The following USP9Y variants were observed in gnomAD, a reference collection of about 807,000 sequenced individuals.
USP9Y encodes ubiquitin specific peptidase 9 Y-linked.
In USP9Y, 41 loss-of-function variants were observed where a neutral mutation model predicts 53.1. The observed-to-expected ratio is 0.77, with a 90% confidence interval of 0.60 to 1.00. USP9Y has a LOEUF of 1.00. USP9Y is among the 50% of genes least tolerant of loss of function. The pLI, the probability that USP9Y is intolerant of heterozygous loss-of-function variation, is 0.00. For missense variants in USP9Y, 567 were observed against 535.8 expected (o/e 1.06, Z -0.58); for synonymous variants, 220 against 173.7 (o/e 1.27, Z -2.09).
chrY:12,730,728 C>A (rs2053446578), intron 7 of USP9Y, among the ~76,000 whole-genome samples: 1 of 32,663 alleles, frequency 3.1e-5, no homozygotes, highest in Non-Finnish European at 7.5e-5. Context: ...GGTAATCTAC[C>A]CACGTCGGCC....
intron 27 of USP9Y, among the ~76,000 whole-genome samples, chrY:12,797,072 G>A: frequency 5.9e-5 from 2 of 33,743 alleles, no homozygotes; most frequent in South Asian, 1.3e-3. Context: ...ACACCCTTAC[G>A]TTCTTGATAA....
At chrY:12,813,179 T>A in intron 31 of USP9Y, 127 bp downstream of exon 31, 1 of 173,095 alleles carries the variant, frequency 5.8e-6, no homozygotes, top group Non-Finnish European at 1.0e-5. Context: ...TAACATTTTT[T>A]AGCTGTCAGT....
intron 1 of USP9Y, among the ~76,000 whole-genome samples, chrY:12,703,120 C>T (rs1030398046): frequency 2.2e-4 from 7 of 32,297 alleles, no homozygotes; most frequent in Non-Finnish European, 5.3e-4. Context: ...AGTGCAGTGG[C>T]GCAATCTTGG....
intron 12 of USP9Y, among the ~76,000 whole-genome samples, chrY:12,742,387 A>G: frequency 6.0e-5 from 2 of 33,387 alleles, no homozygotes; most frequent in Middle Eastern, 0.027. Context: ...GGTCCCACCC[A>G]CATCCTGCTG....
intron 18 of USP9Y, among the ~76,000 whole-genome samples, chrY:12,776,182 G>C: frequency 9.7e-5 from 2 of 20,697 alleles, no homozygotes; most frequent in African/African-American, 4.0e-4. Context: ...CACTCTTCTT[G>C]CCCAGGTTAG....
intron 15 of USP9Y, among the ~76,000 whole-genome samples, chrY:12,770,043 A>G (rs774236290): frequency 1.2e-4 from 4 of 33,545 alleles, no homozygotes; most frequent in Admixed American, 1.1e-3. Context: ...CTGCCTAGCA[A>G]AGTGCTAGGA....
chrY:12,805,184 ACT>A (rs2053523056), intron 27 of USP9Y, among the ~76,000 whole-genome samples: 1 of 32,038 alleles, frequency 3.1e-5, no homozygotes, highest in African/African-American at 1.2e-4. Context: ...TTCGTTAGAT[ACT>A]CTGTTTCTTT....
intron 27 of USP9Y, among the ~76,000 whole-genome samples, chrY:12,808,357 G>A: frequency 5.9e-5 from 2 of 33,770 alleles, no homozygotes; most frequent in South Asian, 1.3e-3. Context: ...CAATAAATTA[G>A]CACCTAAGGT....
chrY:12,849,550 T>G (rs2053570230), intron 42 of USP9Y, among the ~76,000 whole-genome samples: 11 of 30,705 alleles, frequency 3.6e-4, no homozygotes, highest in South Asian at 3.1e-3. Flanking sequence ...TGCTTCCAGT[T>G]TTTGCCCATT....
chrY:12,703,683 A>G, intron 1 of USP9Y, among the ~76,000 whole-genome samples: 1 of 33,328 alleles, frequency 3.0e-5, no homozygotes, highest in Non-Finnish European at 7.4e-5. Flanking sequence ...ATGAAAAGGG[A>G]CCTGAGCAGG....
intron 3 of USP9Y, among the ~76,000 whole-genome samples, chrY:12,713,595 T>C (rs759961677): frequency 6.1e-5 from 2 of 32,623 alleles, no homozygotes; most frequent in Admixed American, 2.9e-4. Flanking sequence ...GATAGGTAGT[T>C]GTTTTCTCTC....
intron 15 of USP9Y, among the ~76,000 whole-genome samples, chrY:12,767,713 A>G: frequency 3.1e-5 from 1 of 32,309 alleles, no homozygotes; most frequent in Non-Finnish European, 7.5e-5. Context: ...TCAGTCTGCA[A>G]TGCATATCAA....
intron 12 of USP9Y, among the ~76,000 whole-genome samples, chrY:12,743,541 G>A (rs2053458342): frequency 8.9e-5 from 3 of 33,679 alleles, no homozygotes; most frequent in African/African-American, 3.5e-4. Context: ...GGGATTACAG[G>A]TGTGAGCCAC....
intron 15 of USP9Y, among the ~76,000 whole-genome samples, chrY:12,769,867 C>T: frequency 6.1e-5 from 2 of 32,591 alleles, no homozygotes; most frequent in African/African-American, 2.4e-4. Context: ...AATCTTGGCT[C>T]ACTGCAACCT....
intron 27 of USP9Y, among the ~76,000 whole-genome samples, chrY:12,794,199 C>A: frequency 5.9e-5 from 2 of 33,685 alleles, no homozygotes; most frequent in Non-Finnish European, 1.5e-4. Flanking sequence ...TAAGATGTAA[C>A]CTCATTGTGG....
rs780047262 is a variant in USP9Y at position 12,840,994 on chromosome Y, T to C, written c.6089-16T>C. 1 of 382,538 alleles carries C rather than the reference T, an allele frequency of 2.6e-6. No individual in the cohort carries two copies. Among genetic ancestry groups the C allele is most frequent in the Non-Finnish European group, 3.7e-6 (1 of 270,528 alleles). On this transcript the variant is annotated splice_polypyrimidine_tract_variant and intron_variant, in intron 36 of 45. Transcript: ENST00000338981. ...ATAAAAATGTTTTTAACCATATATA[T>C]ACTTTTTATTTAAAGGGCAGGATTA... is the stretch of plus-strand genomic sequence containing the variant.
At chrY:12,752,731 C>G in intron 12 of USP9Y, among the ~76,000 whole-genome samples, 1 of 33,078 alleles carries the variant, frequency 3.0e-5, no homozygotes, top group Non-Finnish European at 7.4e-5. Context: ...CACCTGTAAT[C>G]CCAACACTTT....
chrY:12,731,500 G>A (rs2053447119), intron 7 of USP9Y, among the ~76,000 whole-genome samples: 1 of 33,430 alleles, frequency 3.0e-5, no homozygotes, highest in East Asian at 7.7e-4. Flanking sequence ...TGCAATTTAT[G>A]TTATTGATAT....
chrY:12,828,626 C>T, intron 33 of USP9Y, among the ~76,000 whole-genome samples: 2 of 32,495 alleles, frequency 6.2e-5, no homozygotes, highest in East Asian at 8.0e-4. Flanking sequence ...TGGTGGATAT[C>T]GTGTGATTGT....
Sources: allele counts gnomAD v4.1 joint callset (sites outside exome capture counted in the v4.1 genomes callset), GRCh38; gene constraint gnomAD v4.1.1; transcripts MANE v1.5; gene names NCBI Gene and HGNC (gene_info 2026-07-23, HGNC 2026-07-21).